The following GRIN2B variants were observed in gnomAD, a reference collection of about 807,000 sequenced individuals.
GRIN2B encodes the protein glutamate ionotropic receptor NMDA type subunit 2B.
In GRIN2B, 5 loss-of-function variants were observed where a neutral mutation model predicts 114.5. That is an observed-to-expected ratio of 0.04 (90% CI 0.02 to 0.09). The LOEUF (loss-of-function observed/expected upper bound fraction) is 0.09, where lower values mean the gene tolerates loss of function less well. Ranked by LOEUF, GRIN2B falls within the 10% of genes least tolerant of loss-of-function variation. The pLI is 1.00. For missense variants in GRIN2B, 1,108 were observed against 1,943.5 expected, an observed-to-expected ratio of 0.57 and a Z score of 8.08; for synonymous variants, 787 against 745.1, an observed-to-expected ratio of 1.06 and a Z score of -0.92.
intron 2 of GRIN2B, among the ~76,000 whole-genome samples, chr12:13,932,394 AT>A (rs977290372): frequency 1.3e-5 from 2 of 152,204 alleles, no homozygotes; most frequent in Non-Finnish European, 2.9e-5. Context: ...CATGATTAAT[AT>A]TTATGTCCTC....
chr12:13,928,080 G>A (rs560464347), intron 2 of GRIN2B, among the ~76,000 whole-genome samples: 12 of 152,054 alleles, frequency 7.9e-5, no homozygotes, highest in African/African-American at 2.9e-4. Context: ...GGAGGCTGAG[G>A]CGGGTGGATC....
intron 4 of GRIN2B, among the ~76,000 whole-genome samples, chr12:13,730,729 T>G (rs1172457178): frequency 6.6e-6 from 1 of 152,180 alleles, no homozygotes; most frequent in African/African-American, 2.4e-5. Flanking sequence ...TTCCTTATGC[T>G]GTTTATAAAA....
At chr12:13,922,928 CA>C (rs1466924303) in intron 2 of GRIN2B, among the ~76,000 whole-genome samples, 1 of 152,154 alleles carries the variant, frequency 6.6e-6, no homozygotes, top group African/African-American at 2.4e-5. Flanking sequence ...CACAATATCA[CA>C]AAGACTTTTT....
intron 5 of GRIN2B, among the ~76,000 whole-genome samples, chr12:13,644,133 A>T (rs754261784): frequency 1.3e-4 from 20 of 152,212 alleles, no homozygotes; most frequent in Non-Finnish European, 2.5e-4. Flanking sequence ...GAATCATTAC[A>T]TATGGCAGCT....
intron 2 of GRIN2B, among the ~76,000 whole-genome samples, chr12:13,926,859 A>G (rs1022038413): frequency 6.6e-6 from 1 of 151,950 alleles, no homozygotes; most frequent in Non-Finnish European, 1.5e-5. Flanking sequence ...AGGCTGAGGC[A>G]GGAGAATGGC....
intron 2 of GRIN2B, among the ~76,000 whole-genome samples, chr12:13,875,247 C>T (rs575687311): frequency 7.9e-5 from 12 of 152,172 alleles, no homozygotes; most frequent in Non-Finnish European, 1.2e-4. Context: ...ATAAAATGGG[C>T]GGGCCCTGTG....
chr12:13,979,193 C>CTGT, intron 2 of GRIN2B, among the ~76,000 whole-genome samples: 1 of 152,092 alleles, frequency 6.6e-6, no homozygotes, highest in African/African-American at 2.4e-5. Flanking sequence ...AAAATAATAG[C>CTGT]ACAGGAAAAA....
chr12:13,551,635 T>C lies in GRIN2B; in HGVS notation c.*11148A>G, dbSNP rs998176409. ...CATAACATGATTGACATAGGAAATTTGGATCTATTTGTTAAGATTGTGTGT... is the reference window on the plus strand; with the variant it reads ...CATAACATGATTGACATAGGAAATTCGGATCTATTTGTTAAGATTGTGTGT... On this transcript the variant is annotated 3_prime_UTR_variant, in exon 14 of 14. Coordinates refer to ENST00000609686, the MANE Select transcript of GRIN2B (RefSeq NM_000834.5). The C allele has an allele frequency of 1.3e-5, 2 of 152,194 alleles. No individual in the cohort carries two copies. The highest frequency in any genetic ancestry group is 4.8e-5 in the African/African-American group (2 of 41,460). The allele number at this position is 152,194 out of a possible 1,614,324, so 9.4% of individuals were successfully genotyped here.
intron 2 of GRIN2B, among the ~76,000 whole-genome samples, chr12:13,931,336 A>G (rs1867027062): frequency 6.6e-6 from 1 of 152,184 alleles, no homozygotes; most frequent in South Asian, 2.1e-4. Flanking sequence ...TCTGCATTCA[A>G]CAATGTTGAC....
Position 13,563,044 on chromosome 12 carries a change from G to C in GRIN2B, c.4194C>G (p.Leu1398=). The part of the protein sequence containing the change: ...IPTFGDDQCL[L]HGSKSYFFRQ... ...TGAAGAAGTAGGATTTGCTGCCATGGAGCAAGCACTGGTCGTCCCCAAAAG... is the reference window on the plus strand; with the variant it reads ...TGAAGAAGTAGGATTTGCTGCCATGCAGCAAGCACTGGTCGTCCCCAAAAG... The change falls in exon 14 of 14, where the codon CTC becomes CTG. Residue 1398 remains leucine, a synonymous_variant. Coordinates refer to ENST00000609686, the MANE Select transcript of GRIN2B (RefSeq NM_000834.5). The C allele has an allele frequency of 6.2e-7, 1 of 1,614,162 alleles. No homozygotes were observed. The highest frequency in any genetic ancestry group is 8.5e-7 in the Non-Finnish European group (1 of 1,180,018).
Position 13,701,600 on chromosome 12 carries a change from A to G in GRIN2B, c.1011-25741T>C, listed in dbSNP as rs570297876. ...GTAGATGTCTAATTTCATCCCTCCA[A>G]CTACAACAAGCAGTGCCTGCTCTAA... is the stretch of plus-strand genomic sequence containing the variant. On this transcript the variant is annotated intron_variant, in intron 4 of 13. Transcript: ENST00000609686. Among the ~76,000 whole-genome samples, 63 of 152,188 alleles carry G rather than the reference A, an allele frequency of 4.1e-4. 1 individual carries two copies. The South Asian group carries it at 0.013, about 31-fold the overall frequency.
At chr12:13,840,043 C>T (rs1474133685) in intron 3 of GRIN2B, among the ~76,000 whole-genome samples, 3 of 152,188 alleles carry the variant, frequency 2.0e-5, no homozygotes, top group East Asian at 1.9e-4. Context: ...AGTGAGTTTA[C>T]CTTAGAGTGA....
intron 3 of GRIN2B, among the ~76,000 whole-genome samples, chr12:13,837,345 A>ATGCAT (rs1565557045): frequency 6.6e-6 from 1 of 152,148 alleles, no homozygotes; most frequent in Non-Finnish European, 1.5e-5. Context: ...CCCAAACCAC[A>ATGCAT]GTCCCCCTGA....
intron 2 of GRIN2B, among the ~76,000 whole-genome samples, chr12:13,912,560 T>A (rs1866643001): frequency 6.6e-6 from 1 of 152,168 alleles, no homozygotes; most frequent in Non-Finnish European, 1.5e-5. Flanking sequence ...GCTCCGTACT[T>A]GTGGGCACAG....
intron 2 of GRIN2B, among the ~76,000 whole-genome samples, chr12:13,931,781 C>T (rs1867036857): frequency 6.6e-6 from 1 of 150,940 alleles, no homozygotes; most frequent in Non-Finnish European, 1.5e-5. Context: ...TCCACAATTC[C>T]TCTCTTTCCT....
At chr12:13,803,737 A>G (rs535676931) in intron 3 of GRIN2B, among the ~76,000 whole-genome samples, 2 of 152,250 alleles carry the variant, frequency 1.3e-5, no homozygotes, top group East Asian at 3.9e-4. Context: ...AATACCCTAA[A>G]CCCTATGGTG....
intron 3 of GRIN2B, among the ~76,000 whole-genome samples, chr12:13,797,889 C>T (rs1864443654): frequency 1.3e-5 from 2 of 152,220 alleles, no homozygotes; most frequent in Non-Finnish European, 2.9e-5. Flanking sequence ...TTGCTTTCTG[C>T]TCTTATTACA....
rs201147007 is a variant in GRIN2B, at chr12:13,547,977, A to ATTTTTTT, written c.*14805_*14806insAAAAAAA. The ATTTTTTT allele has an allele frequency of 3.5e-5, 2 of 57,380 alleles. No homozygotes were observed. The highest frequency in any genetic ancestry group is 3.6e-5 in the Non-Finnish European group (1 of 27,532). 3.6% of individuals were successfully genotyped at this position (57,380 alleles called of 1,614,324 possible). On this transcript the variant is annotated 3_prime_UTR_variant, in exon 14 of 14. Transcript: ENST00000609686. The stretch of plus-strand genomic sequence containing the variant: ...TGTGTGTGTATATATATATATATAT[A>ATTTTTTT]TATATTTTTTTTTTTTTTCTGAAAG...
chr12:13,579,575 T>A (rs1948819447), intron 10 of GRIN2B, among the ~76,000 whole-genome samples: 1 of 152,210 alleles, frequency 6.6e-6, no homozygotes, highest in African/African-American at 2.4e-5. Flanking sequence ...ATTACTATCA[T>A]CATCATTGTC....
Sources: gnomAD v4.1 joint callset for allele counts (sites outside exome capture counted in the v4.1 genomes callset) on GRCh38, gnomAD v4.1.1 for gene constraint, MANE v1.5 for transcripts, NCBI Gene and HGNC (gene_info 2026-07-23, HGNC 2026-07-21) for gene names.